Variants in SNX1 observed in about 807,000 individuals in gnomAD.
SNX1 encodes the protein sorting nexin-1.
Under a neutral mutation model 71.8 loss-of-function variants are expected in SNX1, and 36 were observed. The ratio of observed to expected loss-of-function variants is 0.50; its 90% CI spans 0.38 to 0.66. The LOEUF is 0.66. Among genes scored for constraint, SNX1 ranks in the 30% least tolerant of loss-of-function variants. The pLI is 0.00. For missense variants in SNX1, 612 were observed against 646.7 expected (o/e 0.95, Z 0.58); for synonymous variants, 254 against 240.7 (o/e 1.06, Z -0.51).
Position 64,139,656 on chromosome 15 carries a change from A to G in SNX1, c.*2038A>G, listed in dbSNP as rs1186546383. ...AGTATTTTTTTAAGTATTATTATCA[A>G]AATCAGGAAGTTTAACAGTGATTTA... On this transcript the variant is annotated 3_prime_UTR_variant, in exon 15 of 15. Transcript: ENST00000559844. 1.4e-5 allele frequency: 2 copies of G among 146,460 alleles called. No homozygotes were observed. The highest frequency in any genetic ancestry group is 5.1e-5 in the African/African-American group (2 of 39,128). The allele number at this position is 146,460 out of a possible 1,614,324, so 9.1% of individuals were successfully genotyped here.
chr15:64,129,890 C>A lies in SNX1; in HGVS notation c.808-26C>A. On this transcript the variant is annotated intron_variant, in intron 8 of 14. Coordinates refer to ENST00000559844, the MANE Select transcript of SNX1 (RefSeq NM_003099.5). This position sits in a 1 kb window ranked among gnomAD's most constrained non-coding sequence, Gnocchi z 4.4. ...TAAAATAGGGGCAGCAGATAACTTGCCATCCCTGCCTTCTTGGTCTTGTAG... is the reference window on the plus strand; with the variant it reads ...TAAAATAGGGGCAGCAGATAACTTGACATCCCTGCCTTCTTGGTCTTGTAG... 1.9e-6 allele frequency: 3 copies of A among 1,539,560 alleles called. No homozygotes were observed. In the South Asian group the frequency reaches 3.4e-5, roughly 17 times the overall value.
chr15:64,119,737 A>AAAAC (rs781321747), intron 4 of SNX1, among the ~76,000 whole-genome samples: 70,903 of 140,578 alleles, frequency 0.5, 22,323 homozygotes, highest in East Asian at 0.78. Flanking sequence ...AAAAAAAAAA[A>AAAAC]ACACACACAC....
intron 1 of SNX1, among the ~76,000 whole-genome samples, chr15:64,106,872 A>T (rs117626715): frequency 0.04 from 6,157 of 152,318 alleles, 228 homozygotes; most frequent in Admixed American, 0.12. Context: ...AGCAAAACCC[A>T]TTGGACTTTT....
chr15:64,108,578 A>G (rs1314503978), intron 1 of SNX1, among the ~76,000 whole-genome samples: 1 of 152,190 alleles, frequency 6.6e-6, no homozygotes, highest in Non-Finnish European at 1.5e-5. Context: ...TCTGATTTTA[A>G]ATAAAACTTG....
Position 64,134,845 on chromosome 15 carries a change from C to G in SNX1, c.1365+38C>G, listed in dbSNP as rs753467788. 16 of 1,610,156 alleles carry G rather than the reference C, an allele frequency of 9.9e-6. No individual in the cohort carries two copies. The highest frequency in any genetic ancestry group is 1.4e-5 in the Non-Finnish European group (16 of 1,178,394). On this transcript the variant is annotated intron_variant, in intron 12 of 14. Transcript: ENST00000559844. The surrounding 1 kb of genome is among the most constrained non-coding windows in gnomAD (Gnocchi z 4.1). Reference sequence around the variant, plus strand: ...AGGCAGCCCAGCCAGGGGTGTTCTGCTGGTTCCAAATGAACCCAGGGCCCA... The same window carrying G: ...AGGCAGCCCAGCCAGGGGTGTTCTGGTGGTTCCAAATGAACCCAGGGCCCA...
Position 64,138,317 on chromosome 15 carries a change from C to CTA in SNX1, c.*700_*701insAT. On this transcript the variant is annotated 3_prime_UTR_variant, in exon 15 of 15. Coordinates refer to ENST00000559844, the MANE Select transcript of SNX1 (RefSeq NM_003099.5). ...CTCCTGCAAAGGAGGCAGAGACTTT[C>CTA]TCTCTCTCTTTTTTTTTTTTTTTTG... 2.5e-6 allele frequency: 2 copies of CTA among 805,752 alleles called. No individual in the cohort carries two copies. The highest frequency in any genetic ancestry group is 2.3e-5 in the African/African-American group (1 of 43,924). The allele number at this position is 805,752 out of a possible 1,614,324, so 49.9% of individuals were successfully genotyped here. A position where few individuals can be genotyped will look rare whatever the true frequency, so the allele number is the denominator to read the frequency against.
chr15:64,123,818 TGTGGTTTGGAG>T (rs2081220192), intron 5 of SNX1, among the ~76,000 whole-genome samples: 1 of 152,162 alleles, frequency 6.6e-6, no homozygotes, highest in Non-Finnish European at 1.5e-5. Context: ...TAGAGAACCA[TGTGGTTTGGAG>T]CTAGATTCAC....
Position 64,134,795 on chromosome 15 carries a change from C to T in SNX1, c.1353C>T (p.Asp451=), listed in dbSNP as rs140512655. 84 of 1,613,912 alleles carry T rather than the reference C, an allele frequency of 5.2e-5. 1 individual carries two copies. In the African/African-American group the frequency reaches 7.1e-4, roughly 14 times the overall value. Residue 451 remains aspartate (D), a synonymous_variant, in exon 12 of 15, where the codon GAC becomes GAT. Transcript: ENST00000559844. This position sits in a 1 kb window ranked among gnomAD's most constrained non-coding sequence, Gnocchi z 4.1. ...NKPDKLQQAK[D]EILEWESRVT... is the part of the protein sequence containing the mutation. ...CTGATAAGCTGCAGCAGGCCAAGGA[C>T]GAGATCCTCGAGGTGAGTCCACTGA...
chr15:64,137,664 T>C lies in SNX1; in HGVS notation c.*46T>C. ...CCACCTGTGTGACGCTGCCTTTTTA[T>C]ACACTGTCCTCCTCCACCTTGATGG... On this transcript the variant is annotated 3_prime_UTR_variant, in exon 15 of 15. Coordinates refer to ENST00000559844, the MANE Select transcript of SNX1 (RefSeq NM_003099.5). 6.2e-7 allele frequency: 1 copy of C among 1,613,696 alleles called. No individual in the cohort carries two copies. The highest frequency in any genetic ancestry group is 1.3e-5 in the African/African-American group (1 of 75,060).
intron 1 of SNX1, among the ~76,000 whole-genome samples, chr15:64,110,374 A>G (rs1340265247): frequency 4.6e-5 from 7 of 152,182 alleles, no homozygotes; most frequent in Non-Finnish European, 8.8e-5. Context: ...CTAAGGGAAC[A>G]TAAGTCTGTT....
intron 10 of SNX1, among the ~76,000 whole-genome samples, chr15:64,131,169 A>G (rs2081302817): frequency 6.6e-6 from 1 of 152,134 alleles, no homozygotes; most frequent in Non-Finnish European, 1.5e-5. Context: ...CTGTAATCCC[A>G]TCTGCTTGGG....
chr15:64,139,277 T>A lies in SNX1; in HGVS notation c.*1659T>A, dbSNP rs1483371272. On this transcript the variant is annotated 3_prime_UTR_variant, in exon 15 of 15. Coordinates refer to ENST00000559844, the MANE Select transcript of SNX1 (RefSeq NM_003099.5). ...AAGTTGATCTGTAAAGCTGTGTAAT[T>A]TGAAGGCATCCATAGGGTGACTGTA... 1 of 146,996 alleles carries A rather than the reference T, an allele frequency of 6.8e-6. No individual in the cohort carries two copies. Among genetic ancestry groups the A allele is most frequent in the Non-Finnish European group, 1.5e-5 (1 of 67,106 alleles). 9.1% of individuals were successfully genotyped at this position (146,996 alleles called of 1,614,324 possible).
chr15:64,123,455 A>G, intron 4 of SNX1, 48 bp from the exon 5 acceptor site: 1 of 1,524,292 alleles, frequency 6.6e-7, no homozygotes, highest in Non-Finnish European at 9.1e-7. Flanking sequence ...CTGGATTGGC[A>G]CTGCTTTGGT....
At chr15:64,117,913 G>A (rs980208313) in intron 2 of SNX1, among the ~76,000 whole-genome samples, 1 of 152,170 alleles carries the variant, frequency 6.6e-6, no homozygotes, top group Non-Finnish European at 1.5e-5. Flanking sequence ...AGAAGGAGAG[G>A]TTGTTCTACT....
chr15:64,123,505 G>A lies in SNX1; in HGVS notation c.469G>A (p.Asp157Asn), dbSNP rs1232939902. 1 of 1,613,622 alleles carries A rather than the reference G, an allele frequency of 6.2e-7. No homozygotes were observed. Among genetic ancestry groups the A allele is most frequent in the Non-Finnish European group, 8.5e-7 (1 of 1,179,614 alleles). ...TCTGCTTTCTTGTTCTCTCACAGGG[G>A]ATGGTATGAATGCATATGTAGCCTA... ...VGITDPEKIG[D>N]GMNAYVAYKV... is the part of the protein sequence containing the mutation. The change falls in exon 5 of 15, where the codon GAT (aspartate) becomes AAT (asparagine). Residue 157 changes from aspartate to asparagine, a missense_variant and splice_region_variant. Asp to Asn is a conservative substitution (Grantham distance 23, BLOSUM62 1). This residue lies in a region of SNX1 where 316 missense variants were observed against 284.9 expected (regional missense o/e 1.11). Transcript: ENST00000559844.
intron 1 of SNX1, among the ~76,000 whole-genome samples, chr15:64,099,861 A>C (rs765261957): frequency 5.3e-5 from 8 of 152,076 alleles, no homozygotes; most frequent in Non-Finnish European, 1.2e-4. Context: ...ACAGGCACGT[A>C]CTAGCGTGCC....
At chr15:64,096,244 G>A in intron 1 of SNX1, 72 bp downstream of exon 1, 2 of 1,509,416 alleles carry the variant, frequency 1.3e-6, no homozygotes, top group South Asian at 2.4e-5. Flanking sequence ...GCGAGAATCG[G>A]GGAGGTTGGG....
chr15:64,144,153 A>G lies in SNX1; in HGVS notation c.*6535A>G, dbSNP rs146360371. 1 of 152,314 alleles carries G rather than the reference A, an allele frequency of 6.6e-6. No individual in the cohort carries two copies. Among genetic ancestry groups the G allele is most frequent in the East Asian group, 1.9e-4 (1 of 5,190 alleles). The allele number at this position is 152,314 out of a possible 1,614,324, so 9.4% of individuals were successfully genotyped here. ...TGCATTACCTTTAATTTTTAATACC[A>G]TTTTGTATTGCTTAAAATTTGTATG... On this transcript the variant is annotated 3_prime_UTR_variant, in exon 15 of 15. Transcript: ENST00000559844. This position sits in a 1 kb window ranked among gnomAD's most constrained non-coding sequence, Gnocchi z 4.3.
chr15:64,108,340 C>T, intron 1 of SNX1, among the ~76,000 whole-genome samples: 1 of 152,034 alleles, frequency 6.6e-6, no homozygotes, highest in Admixed American at 6.6e-5. Flanking sequence ...TTAAAATTAG[C>T]TTTCTATACT....
Sources: gnomAD v4.1 joint callset for allele counts (sites outside exome capture counted in the v4.1 genomes callset) on GRCh38, gnomAD v4.1.1 for gene constraint, gnomAD v4.1.1 regional missense constraint, Gnocchi (gnomAD v3.1) non-coding constraint, MANE v1.5 for transcripts, NCBI Gene and HGNC (gene_info 2026-07-23, HGNC 2026-07-21) for gene names.